Variants in PPP2R5C observed in about 807,000 individuals in gnomAD.
The protein encoded by PPP2R5C is serine/threonine-protein phosphatase 2A 56 kDa regulatory subunit gamma isoform.
Under a neutral mutation model 68.9 loss-of-function variants are expected in PPP2R5C, and 7 were observed. The ratio of observed to expected loss-of-function variants is 0.10; its 90% CI spans 0.06 to 0.19. The LOEUF is 0.19. Among genes scored for constraint, PPP2R5C ranks in the 10% least tolerant of loss-of-function variants. The pLI is 1.00. For synonymous variants in PPP2R5C, 210 were observed against 222.2 expected (o/e 0.95, Z 0.49); for missense variants, 348 against 641.3 (o/e 0.54, Z 4.94).
intron 1 of PPP2R5C, among the ~76,000 whole-genome samples, chr14:101,829,376 T>C (rs2040596276): frequency 6.6e-6 from 1 of 152,178 alleles, no homozygotes; most frequent in Non-Finnish European, 1.5e-5. Context: ...CCAGCTACCA[T>C]TCATTTCCTG....
intron 2 of PPP2R5C, among the ~76,000 whole-genome samples, chr14:101,864,770 T>C (rs1338874540): frequency 6.6e-6 from 1 of 152,082 alleles, no homozygotes; most frequent in East Asian, 1.9e-4. Context: ...GAGCTCCCGA[T>C]TGGGTGGGCT....
At chr14:101,799,435 A>G (rs1347604158) in intron 3 of PPP2R5C, among the ~76,000 whole-genome samples, 1 of 152,104 alleles carries the variant, frequency 6.6e-6, no homozygotes, top group Non-Finnish European at 1.5e-5. Flanking sequence ...GATGACATAT[A>G]TGCCCTTTTA....
intron 3 of PPP2R5C, among the ~76,000 whole-genome samples, chr14:101,802,045 A>G (rs540228999): frequency 6.6e-6 from 1 of 152,354 alleles, no homozygotes; most frequent in Admixed American, 6.5e-5. Flanking sequence ...AAGGTTTCCT[A>G]GACCATTCAA....
chr14:101,882,212 G>T lies in PPP2R5C; in HGVS notation c.346G>T (p.Ala116Ser). The change falls in exon 3 of 14, where the codon GCG becomes TCG. Residue 116 changes from alanine to serine, a missense_variant. Physicochemically the swap from Ala to Ser is moderately conservative, Grantham distance 99. This residue lies in a region of PPP2R5C where 54 missense variants were observed against 201.8 expected (regional missense o/e 0.27). Transcript: ENST00000334743. The surrounding 1 kb of genome is among the most constrained non-coding windows in gnomAD (Gnocchi z 4.9). Reference sequence around the variant, plus strand: ...ACCACCTTCCTCCAATCCTACGGGAGCGGAATTTGACCCGGAGGAAGATGA... The same window carrying T: ...ACCACCTTCCTCCAATCCTACGGGATCGGAATTTGACCCGGAGGAAGATGA... 6 of 1,613,814 alleles carry T rather than the reference G, an allele frequency of 3.7e-6. No individual in the cohort carries two copies. The highest frequency in any genetic ancestry group is 5.1e-6 in the Non-Finnish European group (6 of 1,179,894).
intron 1 of PPP2R5C, chr14:101,836,231 C>A (rs1345484871): frequency 4.3e-6 from 3 of 702,854 alleles, no homozygotes; most frequent in Non-Finnish European, 7.8e-6. Flanking sequence ...TGACCTTCAG[C>A]TGTGGCCGCC....
chr14:101,868,460 T>A (rs1419623745), intron 2 of PPP2R5C, among the ~76,000 whole-genome samples: 1 of 152,214 alleles, frequency 6.6e-6, no homozygotes. Context: ...CTACCTCCAA[T>A]CAGCCAATTC....
At chr14:101,810,614 A>G (rs1185315728) in intron 1 of PPP2R5C, among the ~76,000 whole-genome samples, 1 of 152,196 alleles carries the variant, frequency 6.6e-6, no homozygotes, top group Non-Finnish European at 1.5e-5. Context: ...GTGGGTCATC[A>G]TTTTTGAAAT....
At position 101,912,600 on chromosome 14, in the gene PPP2R5C, A is replaced by G. The variant is rs761827712; in HGVS notation, c.1326+127A>G. On this transcript the variant is annotated intron_variant, in intron 12 of 13. Coordinates refer to ENST00000334743, the Ensembl canonical transcript of PPP2R5C. ...AACGTTGTATATGAAAATGTCTGCAATAAAAAGTACTTTTAAACTTTGTAA... is the reference window on the plus strand; with the variant it reads ...AACGTTGTATATGAAAATGTCTGCAGTAAAAAGTACTTTTAAACTTTGTAA... The G allele has an allele frequency of 8.9e-4, 1,202 of 1,345,072 alleles. 1 individual carries two copies. Among genetic ancestry groups the G allele is most frequent in the Non-Finnish European group, 1.0e-3 (1,074 of 1,043,112 alleles). The allele number at this position is 1,345,072 out of a possible 1,614,324, so 83.3% of individuals were successfully genotyped here. A position where few individuals can be genotyped will look rare whatever the true frequency, so the allele number is the denominator to read the frequency against.
chr14:101,846,234 T>C (rs1294178195), intron 1 of PPP2R5C, among the ~76,000 whole-genome samples: 1 of 152,100 alleles, frequency 6.6e-6, no homozygotes, highest in South Asian at 2.1e-4. Flanking sequence ...TTGAATGAAA[T>C]AACATCCATT....
In PPP2R5C at chr14:101,811,344, T is replaced by G. The variant is rs554164101; in HGVS notation, c.94+1308T>G. 3.5e-3 allele frequency among the ~76,000 whole-genome samples: 529 copies of G among 152,290 alleles called. 1 individual carries two copies. The highest frequency in any genetic ancestry group is 6.5e-3 in the Non-Finnish European group (440 of 68,008). ...GTTTGGATTTAAGTTAGATAGCTTT[T>G]GTTTGTTTTTTGGGAGACAGGGTCT... is the stretch of plus-strand genomic sequence containing the variant. On this transcript the variant is annotated intron_variant, in intron 1 of 13. Coordinates refer to ENST00000334743, the Ensembl canonical transcript of PPP2R5C.
At chr14:101,919,734 G>A (rs993200712) in intron 13 of PPP2R5C, among the ~76,000 whole-genome samples, 5 of 152,102 alleles carry the variant, frequency 3.3e-5, no homozygotes, top group Non-Finnish European at 5.9e-5. Flanking sequence ...TTGGGAGGCC[G>A]AGGCAGGCAG....
chr14:101,808,163 G>A (rs1282243385), upstream of PPP2R5C, among the ~76,000 whole-genome samples: 1 of 151,532 alleles, frequency 6.6e-6, no homozygotes, highest in Non-Finnish European at 1.5e-5. Flanking sequence ...AGTGGTCGTT[G>A]GTGATCGGTG....
upstream of PPP2R5C, among the ~76,000 whole-genome samples, chr14:101,806,681 C>T (rs1451717283): frequency 6.6e-6 from 1 of 152,100 alleles, no homozygotes; most frequent in Non-Finnish European, 1.5e-5. Context: ...ATTTTAAGAT[C>T]GGGCATGGTG....
chr14:101,834,008 G>A (rs946597581), intron 1 of PPP2R5C, among the ~76,000 whole-genome samples: 31 of 152,102 alleles, frequency 2.0e-4, no homozygotes, highest in African/African-American at 7.0e-4. Flanking sequence ...GGGTTTCACC[G>A]TGTTGGCCAG....
At chr14:101,892,627 TACACACACAC>T (rs1267720929) in intron 6 of PPP2R5C, among the ~76,000 whole-genome samples, 1 of 152,104 alleles carries the variant, frequency 6.6e-6, no homozygotes, top group Admixed American at 6.6e-5. Flanking sequence ...CACACACACA[TACACACACAC>T]ATATGTATAT....
rs115891786 is a variant in PPP2R5C, at chr14:101,916,984, A to C, written c.1327-847A>C. Among the ~76,000 whole-genome samples the C allele has an allele frequency of 0.032, 4,871 of 152,168 alleles. 161 individuals are homozygous for C. Among genetic ancestry groups the C allele is most frequent in the African/African-American group, 0.08 (3,319 of 41,490 alleles). On this transcript the variant is annotated intron_variant, in intron 12 of 13. Coordinates refer to ENST00000334743, the Ensembl canonical transcript of PPP2R5C. This position sits in a 1 kb window ranked among gnomAD's most constrained non-coding sequence, Gnocchi z 5.5. ...ACCACGCAGGACAAACAGGCGCCCC[A>C]CACAGTTCCCAGCTCACAGCAGACA...
rs1038033505 is a variant in PPP2R5C, at chr14:101,781,526, G to T, written c.94-4492G>T. 1.4e-5 allele frequency among the ~76,000 whole-genome samples: 2 copies of T among 145,334 alleles called. No individual in the cohort carries two copies. Among genetic ancestry groups the T allele is most frequent in the African/African-American group, 5.1e-5 (2 of 39,254 alleles). ...CCCGCCCCTGCCCTTGCCAGCCTGC[G>T]CCTTCCTGGGCGCCTGACGCACCCC... On this transcript the variant is annotated intron_variant, in intron 2 of 14. Transcript: ENST00000328724. This position sits in a 1 kb window ranked among gnomAD's most constrained non-coding sequence, Gnocchi z 6.4.
chr14:101,789,209 T>G (rs2038252447), intron 3 of PPP2R5C, among the ~76,000 whole-genome samples: 1 of 152,262 alleles, frequency 6.6e-6, no homozygotes, highest in Non-Finnish European at 1.5e-5. Context: ...AATTTTATTC[T>G]GCCACTAAGA....
At chr14:101,911,119 CA>C (rs1022703247) in intron 11 of PPP2R5C, among the ~76,000 whole-genome samples, 6 of 144,064 alleles carry the variant, frequency 4.2e-5, no homozygotes, top group South Asian at 4.4e-4. Context: ...AAAAAAAATA[CA>C]AAAAAAAATC....
Sources: allele counts gnomAD v4.1 joint callset (sites outside exome capture counted in the v4.1 genomes callset), GRCh38; gene constraint gnomAD v4.1.1; regional missense constraint gnomAD v4.1.1; non-coding constraint Gnocchi (gnomAD v3.1); transcripts MANE v1.5; gene names NCBI Gene and HGNC (gene_info 2026-07-23, HGNC 2026-07-21).